DST: variants seen among roughly 807,000 people sequenced by gnomAD.
DST encodes bullous pemphigoid antigen.
In DST, 253 loss-of-function variants were observed where a neutral mutation model predicts 875.2. The ratio of observed to expected loss-of-function variants is 0.29; its 90% confidence interval spans 0.26 to 0.32. The LOEUF (loss-of-function observed/expected upper bound fraction) is 0.32, where lower values mean the gene tolerates loss of function less well. DST is among the 10% of genes least tolerant of loss of function. The pLI, the probability that DST is intolerant of heterozygous loss-of-function variation, is 1.00. For missense variants in DST, 8,287 were observed against 9,111.6 expected, an observed-to-expected ratio of 0.91 and a Z score of 3.68; for synonymous variants, 3,124 against 3,197.1, an observed-to-expected ratio of 0.98 and a Z score of 0.77.
At chr6:56,761,025 A>G (rs2099615963) in intron 4 of DST, among the ~76,000 whole-genome samples, 1 of 152,224 alleles carries the variant, frequency 6.6e-6, no homozygotes, top group African/African-American at 2.4e-5. Context: ...GAGTTCTGAG[A>G]CTAGGTCATA....
intron 3 of DST, among the ~76,000 whole-genome samples, chr6:56,852,246 A>G (rs1408643028): frequency 1.3e-5 from 2 of 152,222 alleles, no homozygotes; most frequent in Non-Finnish European, 2.9e-5. Context: ...AGACTGGGAG[A>G]ACACAAAAGA....
At chr6:56,921,811 C>G (rs560457762) in intron 2 of DST, among the ~76,000 whole-genome samples, 1 of 151,790 alleles carries the variant, frequency 6.6e-6, no homozygotes, top group Non-Finnish European at 1.5e-5. Context: ...TTTGTTATTT[C>G]GTATATTTAT....
chr6:56,642,549 A>AG, intron 15 of DST, 46 bp from the exon 16 acceptor site: 1 of 1,609,012 alleles, frequency 6.2e-7, no homozygotes, highest in Non-Finnish European at 8.5e-7. Flanking sequence ...CTTTGAAGTC[A>AG]AAGAGCTCAC....
chr6:56,494,741 T>C (rs2095854944), intron 82 of DST, among the ~76,000 whole-genome samples: 1 of 152,104 alleles, frequency 6.6e-6, no homozygotes, highest in African/African-American at 2.4e-5. Context: ...ATTTAGAACA[T>C]TTCTAAAGCT....
rs758985783 is a variant in DST, at chr6:56,509,733, T to C, written c.18921A>G (p.Glu6307=). ...GAGTTTCATACAACGGCTGTAGCTTTTCCATGTCTACTGACACATTCTTAT... is the reference window on the plus strand; with the variant it reads ...GAGTTTCATACAACGGCTGTAGCTTCTCCATGTCTACTGACACATTCTTAT... ...SENKNVSVDM[E]KLQPLYETLK... The change falls in exon 74 of 104, where the codon GAA becomes GAG. Residue 6307 remains glutamate, a synonymous_variant. Transcript: ENST00000680361. 6 of 1,613,706 alleles carry C rather than the reference T, an allele frequency of 3.7e-6. No homozygotes were observed. Among genetic ancestry groups the C allele is most frequent in the Admixed American group, 3.3e-5 (2 of 59,964 alleles).
intron 72 of DST, among the ~76,000 whole-genome samples, chr6:56,513,452 A>G (rs1460033992): frequency 6.6e-6 from 1 of 152,134 alleles, no homozygotes; most frequent in Admixed American, 6.5e-5. Flanking sequence ...CTGGTCTCGA[A>G]TTCCTGACCT....
At chr6:56,798,364 G>C (rs2099742777) in intron 4 of DST, among the ~76,000 whole-genome samples, 1 of 148,294 alleles carries the variant, frequency 6.7e-6, no homozygotes. Flanking sequence ...AAAATTTTAT[G>C]GCCCTTAAGA....
intron 3 of DST, among the ~76,000 whole-genome samples, chr6:56,899,678 C>G (rs1793116960): frequency 6.6e-6 from 1 of 152,126 alleles, no homozygotes; most frequent in Non-Finnish European, 1.5e-5. Context: ...AATTACTTTA[C>G]AAGTTTTAAA....
intron 49 of DST, among the ~76,000 whole-genome samples, chr6:56,584,114 T>C (rs1028849273): frequency 5.3e-5 from 8 of 152,298 alleles, no homozygotes; most frequent in Admixed American, 4.6e-4. Flanking sequence ...AAGTAGTTTT[T>C]TCCAATTCTG....
intron 36 of DST, chr6:56,620,437 T>G: frequency 6.2e-7 from 1 of 1,614,188 alleles, no homozygotes; most frequent in African/African-American, 1.3e-5. Context: ...TGGTTTCAAG[T>G]TCCCTGCGGT....
chr6:56,829,529 A>G (rs2099784654), intron 4 of DST, among the ~76,000 whole-genome samples: 1 of 152,208 alleles, frequency 6.6e-6, no homozygotes, highest in Non-Finnish European at 1.5e-5. Context: ...AAGGCATTTT[A>G]AAAGGGTTTT....
intron 2 of DST, among the ~76,000 whole-genome samples, chr6:56,921,957 C>CT (rs1358056260): frequency 1.3e-5 from 2 of 152,092 alleles, no homozygotes; most frequent in East Asian, 3.8e-4. Context: ...CCATTAAATG[C>CT]TAAACACACA....
At chr6:56,501,273 T>C (rs2096112552) in intron 79 of DST, 38 bp from the exon 80 acceptor site, 1 of 1,544,944 alleles carries the variant, frequency 6.5e-7, no homozygotes, top group East Asian at 2.3e-5. Flanking sequence ...TTTATAAATT[T>C]GATATTATGA....
Position 56,631,355 on chromosome 6 carries a change from T to C in DST, c.3998A>G (p.Asp1333Gly). The change falls in exon 30 of 104, where the codon GAT becomes GGT. Residue 1333 changes from aspartate (D) to glycine (G), a missense_variant. Physicochemically the swap from Asp to Gly is moderately conservative, Grantham distance 94. Coordinates refer to ENST00000680361, the MANE Select transcript of DST (RefSeq NM_001374736.1). ...LKKELERLKD[D>G]LGTITNKCEE... ...ACACTTATTTGTGATTGTTCCCAAA[T>C]CATCTTTAAGTCGTTCCAGCTCTTT... is the stretch of plus-strand genomic sequence containing the variant. 1.9e-6 allele frequency: 3 copies of C among 1,614,022 alleles called. No individual in the cohort carries two copies. The highest frequency in any genetic ancestry group is 2.5e-6 in the Non-Finnish European group (3 of 1,179,946).
intron 41 of DST, 60 bp from the exon 42 acceptor site, chr6:56,603,480 T>G (rs1452209096): frequency 6.3e-7 from 1 of 1,594,458 alleles, no homozygotes; most frequent in African/African-American, 1.4e-5. Flanking sequence ...AATATAAACA[T>G]GAAACATAGA....
At chr6:56,617,775 T>C (rs1275810377) in intron 36 of DST, among the ~76,000 whole-genome samples, 1 of 152,228 alleles carries the variant, frequency 6.6e-6, no homozygotes, top group African/African-American at 2.4e-5. Context: ...TACATCTGTA[T>C]GTTTAATCTC....
chr6:56,500,919 A>C (rs1477283685), intron 80 of DST, among the ~76,000 whole-genome samples, 161 bp downstream of exon 80: 1 of 152,186 alleles, frequency 6.6e-6, no homozygotes, highest in African/African-American at 2.4e-5. Context: ...CATTTTGACT[A>C]TAATGTTTTA....
intron 63 of DST, 22 bp downstream of exon 63, chr6:56,535,100 T>C: frequency 1.2e-6 from 2 of 1,609,562 alleles, no homozygotes; most frequent in Non-Finnish European, 1.7e-6. Flanking sequence ...TGAAACGCAA[T>C]ACAAAAGCAT....
chr6:56,619,945 T>G (rs1258419946), intron 36 of DST: 1 of 1,614,024 alleles, frequency 6.2e-7, no homozygotes, highest in Non-Finnish European at 8.5e-7. Context: ...GCTGTTTGAG[T>G]TCTTCTGCTT....
Sources: allele counts gnomAD v4.1 joint callset (sites outside exome capture counted in the v4.1 genomes callset), GRCh38; gene constraint gnomAD v4.1.1; transcripts MANE v1.5; gene names NCBI Gene and HGNC (gene_info 2026-07-23, HGNC 2026-07-21).